Variants in TTLL5 observed in about 807,000 individuals in gnomAD.
TTLL5 encodes tubulin tyrosine ligase like 5.
A neutral mutation model predicts 168.4 loss-of-function variants in TTLL5; 132 were observed. The ratio of observed to expected loss-of-function variants is 0.78; its 90% CI spans 0.68 to 0.91. The LOEUF (loss-of-function observed/expected upper bound fraction) is 0.91, where lower values mean the gene tolerates loss of function less well. TTLL5 is among the 40% of genes least tolerant of loss of function. The probability of loss-of-function intolerance (pLI) is 0.00; values close to 1 mark genes in which losing one functional copy is unlikely to be tolerated. For synonymous variants in TTLL5, 546 were observed against 558.6 expected, an observed-to-expected ratio of 0.98 and a Z score of 0.32; for missense variants, 1,545 against 1,581.5, an observed-to-expected ratio of 0.98 and a Z score of 0.39.
At chr14:75,773,962 AGAGAG>A (rs572559480) in intron 21 of TTLL5, among the ~76,000 whole-genome samples, 3 of 47,612 alleles carry the variant, frequency 6.3e-5, no homozygotes, top group African/African-American at 2.0e-4. Flanking sequence ...AGAGAAAGAG[AGAGAG>A]AGAGAGAGAG....
intron 3 of TTLL5, among the ~76,000 whole-genome samples, chr14:75,675,005 T>C (rs1884028399): frequency 6.6e-6 from 1 of 152,136 alleles, no homozygotes; most frequent in African/African-American, 2.4e-5. Flanking sequence ...AAATATTCGG[T>C]CTATATTTAG....
At chr14:75,945,620 AT>A (rs371316334) in intron 31 of TTLL5, among the ~76,000 whole-genome samples, 1 of 152,072 alleles carries the variant, frequency 6.6e-6, no homozygotes, top group Non-Finnish European at 1.5e-5. Flanking sequence ...AAAATAAATG[AT>A]TGGGAATGCA....
intron 29 of TTLL5, among the ~76,000 whole-genome samples, chr14:75,868,830 G>A (rs2030756497): frequency 6.6e-6 from 1 of 152,118 alleles, no homozygotes; most frequent in Non-Finnish European, 1.5e-5. Flanking sequence ...GAGGAGGGGA[G>A]GGGAAAGAAA....
intron 10 of TTLL5, 114 bp downstream of exon 10, chr14:75,718,076 A>G (rs1887588894): frequency 2.4e-6 from 2 of 841,408 alleles, no homozygotes; most frequent in Non-Finnish European, 3.8e-6. Context: ...ATGTCCATGT[A>G]CCATTTATGG....
At chr14:75,851,201 A>G (rs939323424) in intron 28 of TTLL5, among the ~76,000 whole-genome samples, 43 of 152,082 alleles carry the variant, frequency 2.8e-4, no homozygotes, top group African/African-American at 1.0e-3. Flanking sequence ...AGCAGGTTAT[A>G]AAGCATAGAG....
At chr14:75,843,877 G>GTTTTGTTTTGTTTTGTTTTATTTTA (rs1208784264) in intron 28 of TTLL5, among the ~76,000 whole-genome samples, 294 of 130,702 alleles carry the variant, frequency 2.2e-3, no homozygotes, top group African/African-American at 8.6e-3. Context: ...GTTTTGTTTT[G>GTTTTGTTTTGTTTTGTTTTATTTTA]TTTTATTTTA....
At chr14:75,678,896 G>A (rs896951504) in intron 3 of TTLL5, among the ~76,000 whole-genome samples, 2 of 152,164 alleles carry the variant, frequency 1.3e-5, no homozygotes, top group Non-Finnish European at 2.9e-5. Flanking sequence ...TGAGATGTAT[G>A]CGTGTCCTAT....
intron 6 of TTLL5, among the ~76,000 whole-genome samples, chr14:75,698,170 A>G (rs754544229): frequency 6.6e-6 from 1 of 152,218 alleles, no homozygotes; most frequent in Non-Finnish European, 1.5e-5. Flanking sequence ...TGAGAGCTCT[A>G]GCCTGCTTCT....
At chr14:75,856,142 C>G (rs1176553435) in intron 28 of TTLL5, among the ~76,000 whole-genome samples, 2 of 152,194 alleles carry the variant, frequency 1.3e-5, no homozygotes, top group African/African-American at 2.4e-5. Flanking sequence ...GCGGGCTGAT[C>G]ACCTGAGGTC....
chr14:75,944,729 A>G (rs1051820590), intron 31 of TTLL5, among the ~76,000 whole-genome samples: 1 of 152,186 alleles, frequency 6.6e-6, no homozygotes, highest in Non-Finnish European at 1.5e-5. Context: ...TCTCTCTAAA[A>G]TAATAATCAG....
rs1555353208 is a variant in TTLL5, at chr14:75,874,933, C to CTTTTTTTTTTTTTTTTTTTTT, written c.3523-7734_3523-7733insTTTTTTTTTTTTTTTTTTTTT. Among the ~76,000 whole-genome samples the CTTTTTTTTTTTTTTTTTTTTT allele has an allele frequency of 6.3e-3, 609 of 97,424 alleles. 44 individuals are homozygous for CTTTTTTTTTTTTTTTTTTTTT. Among genetic ancestry groups the CTTTTTTTTTTTTTTTTTTTTT allele is most frequent in the East Asian group, 0.033 (79 of 2,420 alleles). The allele number at this position is 97,424 out of a possible 152,430, so 63.9% of individuals were successfully genotyped here. ...AGAGAAAAAAAAAGACACTGGGGGC[C>CTTTTTTTTTTTTTTTTTTTTT]TTTTTTTTTTTTTTTTTTGAGACGG... On this transcript the variant is annotated intron_variant, in intron 29 of 31. Transcript: ENST00000298832.
chr14:75,730,082 C>T (rs534813878), intron 12 of TTLL5, among the ~76,000 whole-genome samples: 1 of 152,080 alleles, frequency 6.6e-6, no homozygotes, highest in Non-Finnish European at 1.5e-5. Flanking sequence ...ATAATATTAC[C>T]ACTTTATGAA....
At chr14:75,888,328 T>G (rs886684550) in intron 30 of TTLL5, among the ~76,000 whole-genome samples, 2 of 152,238 alleles carry the variant, frequency 1.3e-5, no homozygotes, top group African/African-American at 2.4e-5. Flanking sequence ...CTGATTCATA[T>G]TGGCATAATT....
At chr14:75,707,749 T>A in intron 9 of TTLL5, 42 bp downstream of exon 9, 1 of 1,458,522 alleles carries the variant, frequency 6.9e-7, no homozygotes, top group Non-Finnish European at 9.6e-7. Flanking sequence ...GTGGGTATAT[T>A]AAGGGTGGGT....
intron 2 of TTLL5, 65 bp downstream of exon 2, chr14:75,663,288 AC>A: frequency 7.0e-7 from 1 of 1,418,620 alleles, no homozygotes; most frequent in Non-Finnish European, 9.7e-7. Flanking sequence ...ACTCTTATAT[AC>A]TGTTTTACTA....
At chr14:75,884,355 G>A (rs1265755352) in intron 30 of TTLL5, among the ~76,000 whole-genome samples, 1 of 152,238 alleles carries the variant, frequency 6.6e-6, no homozygotes, top group Non-Finnish European at 1.5e-5. Context: ...GCTAGCTGGT[G>A]GAGAGGTGGG....
intron 28 of TTLL5, among the ~76,000 whole-genome samples, chr14:75,839,680 G>A (rs529299345): frequency 2.1e-4 from 32 of 152,084 alleles, no homozygotes; most frequent in Non-Finnish European, 4.3e-4. Flanking sequence ...ACCTCCCACC[G>A]GTCCCTCTCA....
chr14:75,935,584 G>A (rs763918679), intron 31 of TTLL5, among the ~76,000 whole-genome samples: 29 of 152,190 alleles, frequency 1.9e-4, no homozygotes, highest in Non-Finnish European at 3.8e-4. Context: ...AAGATGTGTT[G>A]GGATTTGGAT....
chr14:75,876,450 G>A (rs2031488438), intron 29 of TTLL5, among the ~76,000 whole-genome samples: 1 of 152,142 alleles, frequency 6.6e-6, no homozygotes, highest in Admixed American at 6.5e-5. Context: ...GGTCATTTGA[G>A]GTAGTAAGAA....
Sources: gnomAD v4.1 joint callset for allele counts (sites outside exome capture counted in the v4.1 genomes callset) on GRCh38, gnomAD v4.1.1 for gene constraint, MANE v1.5 for transcripts, NCBI Gene and HGNC (gene_info 2026-07-23, HGNC 2026-07-21) for gene names.